The following ZNRF1 variants were observed in gnomAD, a reference collection of about 807,000 sequenced individuals.
ZNRF1 encodes the protein E3 ubiquitin-protein ligase ZNRF1.
Under a neutral mutation model 18.4 loss-of-function variants are expected in ZNRF1, and 3 were observed. That is an observed-to-expected ratio of 0.16 (90% CI 0.07 to 0.42). ZNRF1 has a LOEUF of 0.42. Ranked by LOEUF, ZNRF1 falls within the 10% of genes least tolerant of loss-of-function variation. The pLI, the probability that ZNRF1 is intolerant of heterozygous loss-of-function variation, is 0.99. For missense variants in ZNRF1, 310 were observed against 329.8 expected (o/e 0.94, Z 0.47); for synonymous variants, 157 against 144.2 (o/e 1.09, Z -0.64).
intron 1 of ZNRF1, among the ~76,000 whole-genome samples, chr16:75,070,965 C>T (rs955288078): frequency 1.3e-5 from 2 of 152,192 alleles, no homozygotes; most frequent in Non-Finnish European, 2.9e-5. Context: ...CAAACTCGAT[C>T]ACCTACAACA....
At chr16:75,015,590 GT>G (rs1356811276) in intron 1 of ZNRF1, among the ~76,000 whole-genome samples, 5 of 152,082 alleles carry the variant, frequency 3.3e-5, no homozygotes, top group African/African-American at 4.8e-5. Context: ...AAAAAATCGT[GT>G]ATTTAGTCTC....
chr16:75,103,722 C>T, intron 2 of ZNRF1, among the ~76,000 whole-genome samples: 1 of 152,080 alleles, frequency 6.6e-6, no homozygotes, highest in Non-Finnish European at 1.5e-5. Context: ...CGTGGTGGCT[C>T]ACACCTGTAA....
At chr16:75,058,628 C>G (rs943833886) in intron 1 of ZNRF1, among the ~76,000 whole-genome samples, 1 of 152,174 alleles carries the variant, frequency 6.6e-6, no homozygotes, top group Admixed American at 6.5e-5. Flanking sequence ...GCTCCCAGGA[C>G]TTGGGCAGAA....
intron 2 of ZNRF1, among the ~76,000 whole-genome samples, chr16:75,101,198 T>A (rs958431517): frequency 6.6e-6 from 1 of 152,246 alleles, no homozygotes; most frequent in Admixed American, 6.5e-5. Flanking sequence ...CCTCCCAGAA[T>A]GCTGGAATTA....
chr16:75,013,056 C>A (rs1010425672), intron 1 of ZNRF1, among the ~76,000 whole-genome samples: 3 of 152,294 alleles, frequency 2.0e-5, no homozygotes, highest in Non-Finnish European at 2.9e-5. Flanking sequence ...ATACATCCTT[C>A]AACAATGACT....
chr16:75,040,042 C>CTTTCTTTTTTTTTTTTTTTTTTTTTT (rs2035423345), intron 1 of ZNRF1, among the ~76,000 whole-genome samples: 1 of 78,890 alleles, frequency 1.3e-5, no homozygotes, highest in African/African-American at 5.5e-5. Context: ...TCTTTTCTTT[C>CTTTCTTTTTTTTTTTTTTTTTTTTTT]TTTTTTTTTT....
At chr16:75,088,894 G>A (rs1158055274) in intron 1 of ZNRF1, among the ~76,000 whole-genome samples, 1 of 152,204 alleles carries the variant, frequency 6.6e-6, no homozygotes, top group South Asian at 2.1e-4. Flanking sequence ...TTGGTTTCCA[G>A]TTGGCAGTAT....
rs1229677566 is a variant in ZNRF1 at position 75,109,753 on chromosome 16, A to C, written c.*2053A>C. 6.6e-6 allele frequency: 1 copy of C among 152,292 alleles called. No homozygotes were observed. The highest frequency in any genetic ancestry group is 1.9e-4 in the East Asian group (1 of 5,192). 9.4% of individuals were successfully genotyped at this position (152,292 alleles called of 1,614,324 possible). The stretch of plus-strand genomic sequence containing the variant: ...TCACATGTGAAGCGGGGACAAAACC[A>C]TGCAGCTCAGAGGTCCCTGTGGGGG... On this transcript the variant is annotated 3_prime_UTR_variant, in exon 5 of 5. Coordinates refer to ENST00000335325, the MANE Select transcript of ZNRF1 (RefSeq NM_032268.5).
At chr16:75,030,838 T>G (rs1251296676) in intron 1 of ZNRF1, among the ~76,000 whole-genome samples, 1 of 140,618 alleles carries the variant, frequency 7.1e-6, no homozygotes, top group East Asian at 2.0e-4. Context: ...TATTCCTTTT[T>G]TTTTTTTTTT....
In ZNRF1 at chr16:75,108,846, C is replaced by T. The variant is rs1055050456; in HGVS notation, c.*1146C>T. 9.4e-6 allele frequency: 3 copies of T among 319,396 alleles called. No individual in the cohort carries two copies. Among genetic ancestry groups the T allele is most frequent in the African/African-American group, 2.1e-5 (1 of 46,952 alleles). The allele number at this position is 319,396 out of a possible 1,614,324, so 19.8% of individuals were successfully genotyped here. On this transcript the variant is annotated 3_prime_UTR_variant, in exon 5 of 5. Coordinates refer to ENST00000335325, the MANE Select transcript of ZNRF1 (RefSeq NM_032268.5). ...CGGGGCTCCAGGTGTGTGAATTGGTCCTCAGATAGTCAGGCCTGGGTGGAG... is the reference window on the plus strand; with the variant it reads ...CGGGGCTCCAGGTGTGTGAATTGGTTCTCAGATAGTCAGGCCTGGGTGGAG...
chr16:75,024,021 C>T (rs1018319262), intron 1 of ZNRF1, among the ~76,000 whole-genome samples: 16 of 152,094 alleles, frequency 1.1e-4, no homozygotes, highest in African/African-American at 3.6e-4. Flanking sequence ...CAGGTGCGTG[C>T]CACCACACCT....
chr16:75,060,595 C>CAG (rs1432490618), intron 1 of ZNRF1, among the ~76,000 whole-genome samples: 1 of 150,766 alleles, frequency 6.6e-6, no homozygotes, highest in Non-Finnish European at 1.5e-5. Context: ...TCTCCTGCCT[C>CAG]CCTCCCAAGT....
chr16:75,090,952 T>C (rs893499135), intron 1 of ZNRF1, among the ~76,000 whole-genome samples: 4 of 152,184 alleles, frequency 2.6e-5, no homozygotes. Context: ...AGTTTAACTA[T>C]GTTGCTCAGG....
chr16:75,069,826 C>G (rs1444200954), intron 1 of ZNRF1, among the ~76,000 whole-genome samples: 1 of 152,232 alleles, frequency 6.6e-6, no homozygotes, highest in Non-Finnish European at 1.5e-5. Flanking sequence ...TTACATGTTT[C>G]TCACATTCCT....
chr16:75,028,165 G>A (rs911362688), intron 1 of ZNRF1, among the ~76,000 whole-genome samples: 1 of 152,062 alleles, frequency 6.6e-6, no homozygotes, highest in African/African-American at 2.4e-5. Context: ...AAATATTACC[G>A]CTCTAGTGGT....
intron 1 of ZNRF1, among the ~76,000 whole-genome samples, chr16:75,045,412 G>C (rs2035502237): frequency 6.6e-6 from 1 of 152,186 alleles, no homozygotes; most frequent in Non-Finnish European, 1.5e-5. Context: ...AGAGGGGATG[G>C]ATGAGCTGTG....
intron 1 of ZNRF1, among the ~76,000 whole-genome samples, chr16:75,089,043 G>A (rs2145417787): frequency 6.6e-6 from 1 of 152,250 alleles, no homozygotes; most frequent in East Asian, 1.9e-4. Flanking sequence ...CCATGGTCTC[G>A]AGGATGGAAA....
chr16:75,008,359 C>G (rs1183315037), intron 1 of ZNRF1, among the ~76,000 whole-genome samples: 1 of 152,142 alleles, frequency 6.6e-6, no homozygotes, highest in East Asian at 1.9e-4. Flanking sequence ...TGAAGTTGCT[C>G]TGAACAGAAG....
chr16:75,075,817 A>G (rs2035933119), intron 1 of ZNRF1, among the ~76,000 whole-genome samples: 1 of 152,132 alleles, frequency 6.6e-6, no homozygotes, highest in African/African-American at 2.4e-5. Context: ...TCATGTGGAG[A>G]TCATTGGCAA....
Sources: gnomAD v4.1 joint callset for allele counts (sites outside exome capture counted in the v4.1 genomes callset) on GRCh38, gnomAD v4.1.1 for gene constraint, MANE v1.5 for transcripts, NCBI Gene and HGNC (gene_info 2026-07-23, HGNC 2026-07-21) for gene names.